NDRG1: variants seen among roughly 807,000 people sequenced by gnomAD.
NDRG1 encodes the protein protein NDRG1.
Under a neutral mutation model 56.9 loss-of-function variants are expected in NDRG1, and 32 were observed. That is an observed-to-expected ratio of 0.56 (90% confidence interval 0.42 to 0.76). The LOEUF (loss-of-function observed/expected upper bound fraction) is 0.76, where lower values mean the gene tolerates loss of function less well. Among genes scored for constraint, NDRG1 ranks in the 30% least tolerant of loss-of-function variants. The pLI is 0.00. For missense variants in NDRG1, 507 were observed against 545.7 expected, an observed-to-expected ratio of 0.93 and a Z score of 0.71; for synonymous variants, 211 against 204.1, an observed-to-expected ratio of 1.03 and a Z score of -0.29.
At chr8:133,290,741 C>T (rs1461507576) in intron 1 of NDRG1, among the ~76,000 whole-genome samples, 1 of 152,198 alleles carries the variant, frequency 6.6e-6, no homozygotes, top group African/African-American at 2.4e-5. Flanking sequence ...TTGGCAAAAC[C>T]AGCATCTTGA....
intron 9 of NDRG1, among the ~76,000 whole-genome samples, chr8:133,252,804 C>T (rs1243358336): frequency 6.6e-6 from 1 of 151,146 alleles, no homozygotes; most frequent in Non-Finnish European, 1.5e-5. Flanking sequence ...CCCTCGTACA[C>T]TCGCCAACTC....
intron 9 of NDRG1, 145 bp downstream of exon 9, chr8:133,254,394 T>C (rs1172643365): frequency 2.9e-6 from 2 of 694,964 alleles, no homozygotes; most frequent in African/African-American, 3.6e-5. Context: ...GAATGAATAA[T>C]GTCACATTAT....
intron 1 of NDRG1, among the ~76,000 whole-genome samples, chr8:133,287,948 C>A (rs567114814): frequency 6.8e-6 from 1 of 146,916 alleles, no homozygotes; most frequent in Admixed American, 6.7e-5. Flanking sequence ...CACACACGCA[C>A]ACACACACAC....
intron 2 of NDRG1, among the ~76,000 whole-genome samples, chr8:133,281,379 G>C (rs931640383): frequency 2.0e-5 from 3 of 150,568 alleles, no homozygotes; most frequent in Non-Finnish European, 4.4e-5. Flanking sequence ...AAAAAAATCT[G>C]AGTTTCAGCC....
At chr8:133,239,602 C>T (rs888022724) in intron 15 of NDRG1, 46 of 193,658 alleles carry the variant, frequency 2.4e-4, no homozygotes, top group African/African-American at 1.0e-3. Flanking sequence ...AAGTTCCCGG[C>T]ATGGCTATTC....
intron 9 of NDRG1, 97 bp downstream of exon 9, chr8:133,254,442 G>T: frequency 7.6e-7 from 1 of 1,318,892 alleles, no homozygotes; most frequent in Non-Finnish European, 1.1e-6. Flanking sequence ...AGTTGATTGT[G>T]TCTTGTTCTC....
At chr8:133,248,681 A>G (rs193131525) in intron 11 of NDRG1, 34 bp downstream of exon 11, 72 of 1,613,064 alleles carry the variant, frequency 4.5e-5, no homozygotes, top group Admixed American at 2.2e-4. Flanking sequence ...GGCAGCCCCG[A>G]CTGCAAGTGC....
At position 133,247,863 on chromosome 8, in the gene NDRG1, A is replaced by C. The variant is rs1435241843; in HGVS notation, c.807+12T>G. ...GAATTAAACACAGAAATCAGCTGTG[A>C]TTTCTACATACCACGGCATCCACTG... On this transcript the variant is annotated intron_variant, in intron 12 of 15. Transcript: ENST00000323851. The C allele has an allele frequency of 1.9e-6, 3 of 1,614,026 alleles. No homozygotes were observed. The Admixed American group carries it at 5.0e-5, about 27-fold the overall frequency.
At chr8:133,296,568 G>T in intron 1 of NDRG1, 1 of 455,776 alleles carries the variant, frequency 2.2e-6, no homozygotes, top group Non-Finnish European at 4.4e-6. Context: ...ATCCACACCC[G>T]TTCCCGACCC....
intron 2 of NDRG1, among the ~76,000 whole-genome samples, chr8:133,281,737 C>G (rs927755476): frequency 6.6e-6 from 1 of 152,158 alleles, no homozygotes; most frequent in Admixed American, 6.5e-5. Context: ...GGCCCTCGTG[C>G]TGGGGATTCA....
At chr8:133,239,340 G>A in intron 15 of NDRG1, 1 of 718,576 alleles carries the variant, frequency 1.4e-6, no homozygotes, top group Non-Finnish European at 2.3e-6. Flanking sequence ...CACACCATGA[G>A]TGACTTGAAC....
At chr8:133,294,679 G>GT (rs1858640681) in intron 1 of NDRG1, among the ~76,000 whole-genome samples, 1 of 151,980 alleles carries the variant, frequency 6.6e-6, no homozygotes, top group African/African-American at 2.4e-5. Flanking sequence ...CATGGGGGGG[G>GT]GGCAGCCCCA....
chr8:133,279,389 T>G (rs1459376118), intron 3 of NDRG1, among the ~76,000 whole-genome samples: 1 of 152,218 alleles, frequency 6.6e-6, no homozygotes, highest in Non-Finnish European at 1.5e-5. Flanking sequence ...GGGGGAGCAT[T>G]CATGAAATCA....
chr8:133,276,212 G>A (rs1434537941), intron 3 of NDRG1, among the ~76,000 whole-genome samples: 3 of 152,148 alleles, frequency 2.0e-5, no homozygotes, highest in Admixed American at 6.5e-5. Context: ...CGCCTTAGCC[G>A]ACCCCAGCCT....
At chr8:133,256,571 G>A (rs1856380878) in intron 8 of NDRG1, among the ~76,000 whole-genome samples, 1 of 152,190 alleles carries the variant, frequency 6.6e-6, no homozygotes. Flanking sequence ...ACAGCTTGGT[G>A]GTATTTAAGT....
At chr8:133,263,497 T>C (rs1563627766) in intron 4 of NDRG1, among the ~76,000 whole-genome samples, 2 of 152,160 alleles carry the variant, frequency 1.3e-5, no homozygotes, top group Non-Finnish European at 2.9e-5. Context: ...TCCATTCTCA[T>C]CTATGAAAAA....
At chr8:133,245,676 G>A (rs756179681) in intron 13 of NDRG1, among the ~76,000 whole-genome samples, 3 of 152,072 alleles carry the variant, frequency 2.0e-5, no homozygotes, top group South Asian at 2.1e-4. Flanking sequence ...CCTTGATTTC[G>A]GACTTTTAGC....
At position 133,246,548 on chromosome 8, in the gene NDRG1, A is replaced by G. The variant is rs941018616; in HGVS notation, c.855+68T>C. The G allele has an allele frequency of 1.5e-5, 23 of 1,510,024 alleles. No individual in the cohort carries two copies. In the East Asian group the frequency reaches 3.6e-4, roughly 24 times the overall value. The allele number at this position is 1,510,024 out of a possible 1,614,324, so 93.5% of individuals were successfully genotyped here. A position where few individuals can be genotyped will look rare whatever the true frequency, so the allele number is the denominator to read the frequency against. On this transcript the variant is annotated intron_variant, in intron 13 of 15. Coordinates refer to ENST00000323851, the MANE Select transcript of NDRG1 (RefSeq NM_006096.4). ...CCTTGCCTTTTTCAAGCCTAACTCA[A>G]TGTTGCAGAAAACGTCTGAGAGTTT... is the stretch of plus-strand genomic sequence containing the variant.
At chr8:133,296,140 TCTC>T (rs777779950) in intron 1 of NDRG1, among the ~76,000 whole-genome samples, 4 of 151,756 alleles carry the variant, frequency 2.6e-5, no homozygotes, top group Admixed American at 2.0e-4. Flanking sequence ...CAGCCCGAAA[TCTC>T]CTCCCGAGGC....
Sources: gnomAD v4.1 joint callset for allele counts (sites outside exome capture counted in the v4.1 genomes callset) on GRCh38, gnomAD v4.1.1 for gene constraint, MANE v1.5 for transcripts, NCBI Gene and HGNC (gene_info 2026-07-23, HGNC 2026-07-21) for gene names.